HPSE2: variants seen among roughly 807,000 people sequenced by gnomAD.
The protein encoded by HPSE2 is inactive heparanase-2.
HPSE2 carries 38 observed loss-of-function variants against 60.5 expected under a neutral mutation model. The ratio of observed to expected loss-of-function variants is 0.63; its 90% CI spans 0.48 to 0.82. The LOEUF (loss-of-function observed/expected upper bound fraction) is 0.82. HPSE2 is among the 40% of genes least tolerant of loss of function. HPSE2 has a pLI of 0.00. For synonymous variants in HPSE2, 295 were observed against 293.2 expected (o/e 1.01, Z -0.06); for missense variants, 713 against 740.4 (o/e 0.96, Z 0.43).
rs888991232 is a variant in HPSE2, at chr10:99,232,302, G to C, written c.448+46C>G. 4 of 1,543,202 alleles carry C rather than the reference G, an allele frequency of 2.6e-6. No individual in the cohort carries two copies. The Admixed American group carries it at 7.8e-5, about 30-fold the overall frequency. On this transcript the variant is annotated intron_variant, in intron 2 of 11. Coordinates refer to ENST00000370552, the MANE Select transcript of HPSE2 (RefSeq NM_021828.5). The stretch of plus-strand genomic sequence containing the variant: ...ACACAGATACACAAACACAGCGGGT[G>C]CTTGCTTCCGCTCCCCAAATAAAGA...
intron 3 of HPSE2, among the ~76,000 whole-genome samples, chr10:98,910,951 A>G (rs1000262355): frequency 1.3e-5 from 2 of 152,190 alleles, no homozygotes; most frequent in Admixed American, 6.5e-5. Flanking sequence ...GGAAATTTCT[A>G]TCTCCACCAG....
At chr10:98,600,911 G>GTATATATGTGTGTATATATATATA (rs576143051) in intron 9 of HPSE2, among the ~76,000 whole-genome samples, 18 of 73,712 alleles carry the variant, frequency 2.4e-4, no homozygotes, top group African/African-American at 6.3e-4. Flanking sequence ...ATGTGTGTGT[G>GTATATATGTGTGTATATATATATA]TATATATATA....
chr10:99,249,427 C>G, the HPSE2 span, among the ~76,000 whole-genome samples: 1 of 152,234 alleles, frequency 6.6e-6, no homozygotes, highest in Non-Finnish European at 1.5e-5. Flanking sequence ...TGCAGCCCCT[C>G]TCTTTGGCTG....
chr10:98,686,673 G>A (rs1183785880), intron 6 of HPSE2, among the ~76,000 whole-genome samples: 1 of 152,116 alleles, frequency 6.6e-6, no homozygotes. Flanking sequence ...CCAAGTAGCT[G>A]GGATTACAGG....
intron 3 of HPSE2, among the ~76,000 whole-genome samples, chr10:99,003,964 G>A (rs1956834580): frequency 6.6e-6 from 1 of 151,930 alleles, no homozygotes; most frequent in Non-Finnish European, 1.5e-5. Flanking sequence ...GTTGATTTTT[G>A]TATATGTTGT....
chr10:98,912,592 C>T (rs1954009753), intron 3 of HPSE2, among the ~76,000 whole-genome samples: 1 of 152,086 alleles, frequency 6.6e-6, no homozygotes, highest in African/African-American at 2.4e-5. Flanking sequence ...TACATATACA[C>T]AATGGAGTAC....
the HPSE2 span, among the ~76,000 whole-genome samples, chr10:99,243,639 G>A: frequency 2.0e-5 from 3 of 152,042 alleles, no homozygotes; most frequent in Non-Finnish European, 4.4e-5. Context: ...TATAAATCAT[G>A]TATATTTATC....
At chr10:99,156,203 CTA>C (rs2135817221) in intron 2 of HPSE2, among the ~76,000 whole-genome samples, 1 of 120,226 alleles carries the variant, frequency 8.3e-6, no homozygotes, top group African/African-American at 2.9e-5. Flanking sequence ...CCTTCTGAAA[CTA>C]TTCCAATCAA....
chr10:99,287,514 G>A, the HPSE2 span, among the ~76,000 whole-genome samples: 1 of 152,134 alleles, frequency 6.6e-6, no homozygotes, highest in Non-Finnish European at 1.5e-5. Flanking sequence ...GGTGGCAGGG[G>A]TGTGTGGCTT....
chr10:98,559,414 T>C (rs1944106997), intron 9 of HPSE2, among the ~76,000 whole-genome samples: 1 of 151,932 alleles, frequency 6.6e-6, no homozygotes, highest in Non-Finnish European at 1.5e-5. Flanking sequence ...TGTCCTCTAT[T>C]CTCCCCCTGC....
intron 3 of HPSE2, among the ~76,000 whole-genome samples, chr10:98,959,540 G>A (rs1454421942): frequency 2.6e-5 from 4 of 152,024 alleles, no homozygotes; most frequent in Non-Finnish European, 4.4e-5. Context: ...TGCCCAAAAC[G>A]TTTTGTGAAA....
intron 3 of HPSE2, among the ~76,000 whole-genome samples, chr10:99,039,642 A>T (rs1957691685): frequency 6.6e-6 from 1 of 152,010 alleles, no homozygotes; most frequent in Non-Finnish European, 1.5e-5. Flanking sequence ...AGAGTAAGTC[A>T]TCAAATATAT....
At chr10:99,159,776 A>G (rs1395802308) in intron 2 of HPSE2, among the ~76,000 whole-genome samples, 1 of 152,194 alleles carries the variant, frequency 6.6e-6, no homozygotes, top group Non-Finnish European at 1.5e-5. Flanking sequence ...TATGACACCA[A>G]AAGTATAATT....
intron 3 of HPSE2, among the ~76,000 whole-genome samples, chr10:98,834,347 T>A (rs919006313): frequency 2.6e-5 from 4 of 152,164 alleles, no homozygotes; most frequent in Admixed American, 2.6e-4. Context: ...GAGAACCAAT[T>A]CATTATCTTG....
chr10:98,973,419 T>C (rs1956007323), intron 3 of HPSE2, among the ~76,000 whole-genome samples: 1 of 152,136 alleles, frequency 6.6e-6, no homozygotes, highest in Admixed American at 6.6e-5. Flanking sequence ...GTTACCCAAG[T>C]AAAAGCACCA....
intron 9 of HPSE2, among the ~76,000 whole-genome samples, chr10:98,599,833 T>C (rs1378470880): frequency 6.6e-6 from 1 of 152,178 alleles, no homozygotes; most frequent in Non-Finnish European, 1.5e-5. Context: ...CAAATGGATG[T>C]TTCCACAGGG....
intron 11 of HPSE2, among the ~76,000 whole-genome samples, chr10:98,471,447 G>A (rs1468469429): frequency 1.3e-5 from 2 of 151,916 alleles, no homozygotes; most frequent in Non-Finnish European, 2.9e-5. Flanking sequence ...GGGGTGGAGG[G>A]GACTCAGATA....
intron 3 of HPSE2, among the ~76,000 whole-genome samples, chr10:98,778,826 G>A (rs1178731141): frequency 2.0e-5 from 3 of 152,114 alleles, no homozygotes; most frequent in African/African-American, 7.2e-5. Context: ...ATGAATCTAT[G>A]AACTTGCTAT....
chr10:98,648,672 A>C (rs1946839766), intron 6 of HPSE2, among the ~76,000 whole-genome samples: 1 of 152,068 alleles, frequency 6.6e-6, no homozygotes, highest in Non-Finnish European at 1.5e-5. Flanking sequence ...CTTGAGCCAC[A>C]GAATTCGAGG....
Sources: allele counts gnomAD v4.1 joint callset (sites outside exome capture counted in the v4.1 genomes callset), GRCh38; gene constraint gnomAD v4.1.1; transcripts MANE v1.5; gene names NCBI Gene and HGNC (gene_info 2026-07-23, HGNC 2026-07-21).